The following SIDT1 variants were observed in gnomAD, a reference collection of about 807,000 sequenced individuals.
The protein encoded by SIDT1 is SID1 transmembrane family member 1, also known as SID1 transmembrane family, member 1.
Under a neutral mutation model 107.5 loss-of-function variants are expected in SIDT1, and 101 were observed. The ratio of observed to expected loss-of-function variants is 0.94; its 90% CI spans 0.80 to 1.11. SIDT1 has a LOEUF of 1.11. Ranked by LOEUF, SIDT1 falls within the 50% of genes least tolerant of loss-of-function variation. SIDT1 has a pLI of 0.00. For missense variants in SIDT1, 1,076 were observed against 1,058.2 expected, an observed-to-expected ratio of 1.02 and a Z score of -0.23; for synonymous variants, 395 against 398.2, an observed-to-expected ratio of 0.99 and a Z score of 0.10.
intron 13 of SIDT1, 76 bp downstream of exon 13, chr3:113,604,109 G>A (rs1945156550): frequency 1.9e-6 from 2 of 1,056,906 alleles, no homozygotes; most frequent in South Asian, 2.9e-5. Context: ...AACCACTTAG[G>A]CACAAGGTTT....
chr3:113,560,524 C>G (rs558286517), intron 1 of SIDT1, among the ~76,000 whole-genome samples: 2 of 152,002 alleles, frequency 1.3e-5, no homozygotes, highest in Non-Finnish European at 2.9e-5. Flanking sequence ...AGGGAGGGAG[C>G]GAGGAGGAGC....
intron 1 of SIDT1, among the ~76,000 whole-genome samples, chr3:113,565,938 G>C (rs1941860672): frequency 6.6e-6 from 1 of 152,184 alleles, no homozygotes; most frequent in Admixed American, 6.5e-5. Flanking sequence ...GGCTTTGTGT[G>C]TGTTGTTTTA....
intron 9 of SIDT1, among the ~76,000 whole-genome samples, chr3:113,591,818 T>A (rs1233380078): frequency 6.6e-6 from 1 of 152,228 alleles, no homozygotes; most frequent in East Asian, 1.9e-4. Flanking sequence ...TGAAAACATA[T>A]GTCCACACAA....
chr3:113,637,069 C>T, the SIDT1 span, among the ~76,000 whole-genome samples: 1 of 152,112 alleles, frequency 6.6e-6, no homozygotes, highest in Non-Finnish European at 1.5e-5. Flanking sequence ...AGTGCCATGC[C>T]TTTTCCTCTT....
intron 13 of SIDT1, among the ~76,000 whole-genome samples, 170 bp from the exon 14 acceptor site, chr3:113,604,740 A>G (rs926944759): frequency 2.6e-5 from 4 of 152,196 alleles, no homozygotes; most frequent in Non-Finnish European, 5.9e-5. Context: ...GCCCCAATGC[A>G]AGAGAGGGGA....
In SIDT1 at chr3:113,532,959, CCT is replaced by C. The variant is rs986530348; in HGVS notation, c.-58_-57del. 24 of 1,150,754 alleles carry C rather than the reference CCT, an allele frequency of 2.1e-5. No individual in the cohort carries two copies. The highest frequency in any genetic ancestry group is 2.5e-5 in the Non-Finnish European group (22 of 890,478). 71.3% of individuals were successfully genotyped at this position (1,150,754 alleles called of 1,614,324 possible). ...GCCCTGCACCGGGCTTTGGAAGGAC[CCT>C]CTCTGCGCTCGCCCCCTCCCCAGGG... On this transcript the variant is annotated 5_prime_UTR_variant, in exon 1 of 25. Transcript: ENST00000264852.
intron 21 of SIDT1, among the ~76,000 whole-genome samples, chr3:113,623,024 C>A (rs1057228769): frequency 1.3e-5 from 2 of 150,960 alleles, no homozygotes. Context: ...CCTGCCTCTA[C>A]AAAAAAAATT....
At chr3:113,559,288 A>C (rs1409430491) in intron 1 of SIDT1, among the ~76,000 whole-genome samples, 2 of 152,250 alleles carry the variant, frequency 1.3e-5, no homozygotes, top group Non-Finnish European at 2.9e-5. Context: ...TCATTGCACC[A>C]ACTAACATTT....
the SIDT1 span, among the ~76,000 whole-genome samples, chr3:113,634,623 T>C: frequency 1.3e-5 from 2 of 152,028 alleles, no homozygotes; most frequent in African/African-American, 4.8e-5. Flanking sequence ...TGGCGAAACC[T>C]TGTCTTTACC....
chr3:113,634,148 A>G (rs1947109556), downstream of SIDT1, among the ~76,000 whole-genome samples: 1 of 152,174 alleles, frequency 6.6e-6, no homozygotes, highest in South Asian at 2.1e-4. Flanking sequence ...AGTGGGGATG[A>G]TTTTATTCCA....
intron 1 of SIDT1, among the ~76,000 whole-genome samples, chr3:113,542,141 T>G (rs1938979450): frequency 6.6e-6 from 1 of 152,102 alleles, no homozygotes; most frequent in Non-Finnish European, 1.5e-5. Flanking sequence ...CAGGCTGTTC[T>G]CAAACTCCTG....
intron 14 of SIDT1, 88 bp from the exon 15 acceptor site, chr3:113,606,953 C>T (rs1479945154): frequency 1.3e-5 from 11 of 818,650 alleles, no homozygotes; most frequent in Middle Eastern, 3.0e-4. Context: ...AGTGCATCTC[C>T]GTGAGCCCTG....
intron 20 of SIDT1, among the ~76,000 whole-genome samples, chr3:113,617,206 C>T (rs906358557): frequency 4.6e-5 from 7 of 152,180 alleles, no homozygotes; most frequent in South Asian, 2.1e-4. Flanking sequence ...ATGTCCATTA[C>T]GAACTTACAC....
chr3:113,633,180 G>A (rs1389736533), downstream of SIDT1, among the ~76,000 whole-genome samples: 37 of 152,012 alleles, frequency 2.4e-4, no homozygotes, highest in Non-Finnish European at 2.9e-5. Flanking sequence ...GGCTTTCTCT[G>A]TCTATGGTTC....
chr3:113,553,717 G>T (rs1397470117), intron 1 of SIDT1, among the ~76,000 whole-genome samples: 10 of 152,090 alleles, frequency 6.6e-5, no homozygotes, highest in Non-Finnish European at 1.2e-4. Flanking sequence ...CCAAGACTGG[G>T]GAAGTCTAAA....
At chr3:113,584,910 T>A in intron 8 of SIDT1, 141 bp downstream of exon 8, 1 of 680,510 alleles carries the variant, frequency 1.5e-6, no homozygotes, top group Non-Finnish European at 2.4e-6. Context: ...GAAAAGGGAG[T>A]CAGAGCATTT....
At chr3:113,557,301 A>G (rs536592085) in intron 1 of SIDT1, among the ~76,000 whole-genome samples, 18 of 152,182 alleles carry the variant, frequency 1.2e-4, no homozygotes, top group African/African-American at 1.9e-4. Flanking sequence ...TTAAAATCCT[A>G]CAAACCTAAT....
At chr3:113,548,192 C>T (rs909909068) in intron 1 of SIDT1, among the ~76,000 whole-genome samples, 3 of 152,026 alleles carry the variant, frequency 2.0e-5, no homozygotes, top group Admixed American at 1.3e-4. Flanking sequence ...TAACAACTTG[C>T]ATTATTGTGG....
chr3:113,536,122 C>T (rs1043782706), intron 1 of SIDT1, among the ~76,000 whole-genome samples: 5 of 152,158 alleles, frequency 3.3e-5, no homozygotes, highest in African/African-American at 9.7e-5. Flanking sequence ...TTCAAGATAG[C>T]GACGCTCTCT....
Sources: gnomAD v4.1 joint callset for allele counts (sites outside exome capture counted in the v4.1 genomes callset) on GRCh38, gnomAD v4.1.1 for gene constraint, MANE v1.5 for transcripts, NCBI Gene and HGNC (gene_info 2026-07-23, HGNC 2026-07-21) for gene names.